The following MCU variants were observed in gnomAD, a reference collection of about 807,000 sequenced individuals.
MCU encodes the protein calcium uniporter protein, mitochondrial.
A neutral mutation model predicts 45.2 loss-of-function variants in MCU; 12 were observed. That is an observed-to-expected ratio of 0.27 (90% CI 0.17 to 0.43). The LOEUF (loss-of-function observed/expected upper bound fraction) is 0.43, where lower values mean the gene tolerates loss of function less well. Ranked by LOEUF, MCU falls within the 20% of genes least tolerant of loss-of-function variation. The pLI is 1.00. For missense variants in MCU, 324 were observed against 436.7 expected (o/e 0.74, Z 2.30); for synonymous variants, 160 against 165.1 (o/e 0.97, Z 0.24).
Position 72,732,778 on chromosome 10 carries a change from A to G in MCU, c.150+40477A>G, listed in dbSNP as rs182045810. Among the ~76,000 whole-genome samples, 26 of 152,376 alleles carry G rather than the reference A, an allele frequency of 1.7e-4. No homozygotes were observed. In the East Asian group the frequency reaches 4.6e-3, roughly 27 times the overall value. ...TTCCTCACCAGGAATTTGGGTTTAAAGAATTCACAGTTGGTTTAACTAGAT... is the reference window on the plus strand; with the variant it reads ...TTCCTCACCAGGAATTTGGGTTTAAGGAATTCACAGTTGGTTTAACTAGAT... On this transcript the variant is annotated intron_variant, in intron 1 of 7. Coordinates refer to ENST00000373053, the MANE Select transcript of MCU (RefSeq NM_138357.3).
At position 72,692,213 on chromosome 10, in the gene MCU, G is replaced by C. The variant is rs1324755951; in HGVS notation, c.62G>C (p.Gly21Ala). ...LLLSSRGGGG[G>A]GAGGCGALTA... ...CTCTCCTCTCGGGGCGGCGGCGGCGGGGGCGCCGGCGGCTGCGGGGCGCTG... is the reference window on the plus strand; with the variant it reads ...CTCTCCTCTCGGGGCGGCGGCGGCGCGGGCGCCGGCGGCTGCGGGGCGCTG... The change falls in exon 1 of 8, where the codon GGG (glycine) becomes GCG (alanine). Residue 21 changes from glycine (G) to alanine (A), a missense_variant. Gly to Ala is a moderately conservative substitution (Grantham distance 60). This residue lies in a region of MCU where 111 missense variants were observed against 112.3 expected (regional missense o/e 0.99). Transcript: ENST00000373053. 8.0e-7 allele frequency: 1 copy of C among 1,251,976 alleles called. No individual in the cohort carries two copies. The highest frequency in any genetic ancestry group is 1.0e-6 in the Non-Finnish European group (1 of 992,062). The allele number at this position is 1,251,976 out of a possible 1,614,324, so 77.6% of individuals were successfully genotyped here. A position where few individuals can be genotyped will look rare whatever the true frequency, so the allele number is the denominator to read the frequency against.
At chr10:72,866,197 T>G (rs1845453639) in intron 4 of MCU, among the ~76,000 whole-genome samples, 1 of 152,224 alleles carries the variant, frequency 6.6e-6, no homozygotes, top group Non-Finnish European at 1.5e-5. Flanking sequence ...AAGGTATTGC[T>G]GGCGCCCAAG....
At chr10:72,866,890 T>C (rs1845465838) in intron 4 of MCU, among the ~76,000 whole-genome samples, 1 of 151,854 alleles carries the variant, frequency 6.6e-6, no homozygotes, top group African/African-American at 2.4e-5. Context: ...TTCAGCCTCC[T>C]AGAGTGCAGT....
intron 1 of MCU, among the ~76,000 whole-genome samples, chr10:72,792,064 G>A (rs1844169020): frequency 6.6e-6 from 1 of 152,140 alleles, no homozygotes; most frequent in South Asian, 2.1e-4. Context: ...AAACCGAACT[G>A]GGGTTTACTT....
intron 1 of MCU, among the ~76,000 whole-genome samples, chr10:72,805,206 C>CTTCCTTTCCTTTCCTTTCCTTT (rs1844427573): frequency 7.1e-6 from 1 of 139,910 alleles, no homozygotes; most frequent in Admixed American, 7.2e-5. Flanking sequence ...TCCTTCCTTT[C>CTTCCTTTCCTTTCCTTTCCTTT]TTCCTTTCCT....
At chr10:72,874,145 G>A (rs1309808730) in intron 6 of MCU, among the ~76,000 whole-genome samples, 4 of 152,060 alleles carry the variant, frequency 2.6e-5, no homozygotes, top group Non-Finnish European at 5.9e-5. Context: ...GAGTATAATT[G>A]GTATTTTGAT....
chr10:72,813,775 A>G (rs1034958464), intron 1 of MCU, among the ~76,000 whole-genome samples: 1 of 150,938 alleles, frequency 6.6e-6, no homozygotes, highest in Non-Finnish European at 1.5e-5. Context: ...ATCTCTCTTG[A>G]TGTCTGCACT....
At chr10:72,870,019 G>A (rs1423938022) in intron 5 of MCU, among the ~76,000 whole-genome samples, 1 of 151,994 alleles carries the variant, frequency 6.6e-6, no homozygotes, top group African/African-American at 2.4e-5. Context: ...AAATCAGAAG[G>A]AATACATTCC....
chr10:72,884,157 C>T, intron 6 of MCU, 109 bp from the exon 7 acceptor site: 1 of 694,726 alleles, frequency 1.4e-6, no homozygotes, highest in Non-Finnish European at 2.6e-6. Flanking sequence ...TAACACAGCA[C>T]ATGTCAGCAC....
At chr10:72,831,399 A>G (rs934394252) in intron 1 of MCU, among the ~76,000 whole-genome samples, 1 of 152,242 alleles carries the variant, frequency 6.6e-6, no homozygotes, top group African/African-American at 2.4e-5. Context: ...ACATAGCTGT[A>G]TTAATCATTG....
chr10:72,777,907 A>G (rs1217364247), intron 1 of MCU, among the ~76,000 whole-genome samples: 1 of 152,202 alleles, frequency 6.6e-6, no homozygotes, highest in Non-Finnish European at 1.5e-5. Context: ...AGACATACAA[A>G]TGGCCAAATA....
At position 72,699,630 on chromosome 10, in the gene MCU, C is replaced by T. The variant is rs556693379; in HGVS notation, c.150+7329C>T. Among the ~76,000 whole-genome samples, 19 of 146,400 alleles carry T rather than the reference C, an allele frequency of 1.3e-4. 1 individual carries two copies. The South Asian group carries it at 2.4e-3, about 18-fold the overall frequency. On this transcript the variant is annotated intron_variant, in intron 1 of 7. Transcript: ENST00000373053. ...TTTTATTGAGATGGAGTCACGCTGT[C>T]GTCCATGCTGGAGTGCAGTGGCGCT... is the stretch of plus-strand genomic sequence containing the variant.
rs139846802 is a variant in MCU, at chr10:72,789,301, T to G, written c.151-45058T>G. ...ATAATATGTAATTAAAGTTTTCTTG[T>G]TGGTGGTGTGTGTACAAGTTAGTAT... On this transcript the variant is annotated intron_variant, in intron 1 of 7. Coordinates refer to ENST00000373053, the MANE Select transcript of MCU (RefSeq NM_138357.3). 3.3e-3 allele frequency among the ~76,000 whole-genome samples: 507 copies of G among 152,280 alleles called. 2 individuals are homozygous for G. The highest frequency in any genetic ancestry group is 9.4e-3 in the African/African-American group (389 of 41,548).
At chr10:72,764,266 A>T (rs997498726) in intron 1 of MCU, among the ~76,000 whole-genome samples, 8 of 152,176 alleles carry the variant, frequency 5.3e-5, no homozygotes, top group African/African-American at 1.7e-4. Context: ...TGGCTTTCCA[A>T]ATAGCCCATT....
chr10:72,733,480 T>A (rs1457428875), intron 1 of MCU, among the ~76,000 whole-genome samples: 1 of 151,706 alleles, frequency 6.6e-6, no homozygotes, highest in Non-Finnish European at 1.5e-5. Context: ...ACAAAAACTA[T>A]CTTGTACTGA....
chr10:72,868,724 C>T lies in MCU; in HGVS notation c.518C>T (p.Ala173Val). Reference sequence around the variant, plus strand: ...TCAGACCTCTTAAGTCATGAAAATGCAGCAACGCTGAATGATGTAAAGACA... The same window carrying T: ...TCAGACCTCTTAAGTCATGAAAATGTAGCAACGCTGAATGATGTAAAGACA... ...PKRDLLSHEN[A>V]ATLNDVKTLV... The change falls in exon 5 of 8, where the codon GCA becomes GTA. Residue 173 changes from alanine to valine, a missense_variant. Ala to Val is a moderately conservative substitution (Grantham distance 64). This residue lies in a region of MCU where 135 missense variants were observed against 207.3 expected (regional missense o/e 0.65). Transcript: ENST00000373053. 1.2e-6 allele frequency: 2 copies of T among 1,613,518 alleles called. No homozygotes were observed. Among genetic ancestry groups the T allele is most frequent in the South Asian group, 1.1e-5 (1 of 91,028 alleles).
At chr10:72,841,450 A>T (rs1845046562) in intron 2 of MCU, among the ~76,000 whole-genome samples, 1 of 152,084 alleles carries the variant, frequency 6.6e-6, no homozygotes, top group African/African-American at 2.4e-5. Flanking sequence ...GGCACCCGCC[A>T]CCATGCCTGG....
At chr10:72,699,979 T>C (rs1290993381) in intron 1 of MCU, among the ~76,000 whole-genome samples, 1 of 152,108 alleles carries the variant, frequency 6.6e-6, no homozygotes, top group Non-Finnish European at 1.5e-5. Context: ...TCAATTCTTT[T>C]CCTACTAAAT....
chr10:72,699,035 C>T (rs577386672), intron 1 of MCU, among the ~76,000 whole-genome samples: 1 of 152,230 alleles, frequency 6.6e-6, no homozygotes, highest in Non-Finnish European at 1.5e-5. Flanking sequence ...AACTCCTCGG[C>T]TCAAGCAGTC....
Sources: gnomAD v4.1 joint callset for allele counts (sites outside exome capture counted in the v4.1 genomes callset) on GRCh38, gnomAD v4.1.1 for gene constraint, gnomAD v4.1.1 regional missense constraint, MANE v1.5 for transcripts, NCBI Gene and HGNC (gene_info 2026-07-23, HGNC 2026-07-21) for gene names.